The following CDH4 variants were observed in gnomAD, a reference collection of about 807,000 sequenced individuals.
CDH4 encodes cadherin-4.
In CDH4, 33 loss-of-function variants were observed where a neutral mutation model predicts 86.0. The ratio of observed to expected loss-of-function variants is 0.38; its 90% CI spans 0.29 to 0.51. The LOEUF (loss-of-function observed/expected upper bound fraction) is 0.51, where lower values mean the gene tolerates loss of function less well. Among genes scored for constraint, CDH4 ranks in the 20% least tolerant of loss-of-function variants. The pLI is 0.86. For missense variants in CDH4, 1,114 were observed against 1,307.4 expected (o/e 0.85, Z 2.28); for synonymous variants, 555 against 549.4 (o/e 1.01, Z -0.14).
intron 2 of CDH4, among the ~76,000 whole-genome samples, chr20:61,585,988 GTGATGA>G (rs1176342694): frequency 5.0e-5 from 7 of 140,706 alleles, no homozygotes; most frequent in African/African-American, 7.9e-5. Context: ...GATGATGATG[GTGATGA>G]TGATGATGGT....
intron 2 of CDH4, among the ~76,000 whole-genome samples, chr20:61,313,810 C>T (rs1341762817): frequency 6.6e-6 from 1 of 152,206 alleles, no homozygotes; most frequent in African/African-American, 2.4e-5. Flanking sequence ...AATCATAGCC[C>T]ACTACAGCCT....
chr20:61,355,125 C>T (rs766209996), intron 2 of CDH4, among the ~76,000 whole-genome samples: 5 of 152,262 alleles, frequency 3.3e-5, no homozygotes, highest in South Asian at 2.1e-4. Context: ...GGGAGAAAAA[C>T]GCACCGTTAA....
chr20:61,652,796 T>C (rs1404645268), intron 2 of CDH4, among the ~76,000 whole-genome samples: 1 of 96,468 alleles, frequency 1.0e-5, no homozygotes. Flanking sequence ...TTTTTTCAAA[T>C]GAAAAAAAAA....
chr20:61,746,353 G>A (rs973826533), intron 3 of CDH4, among the ~76,000 whole-genome samples: 4 of 152,248 alleles, frequency 2.6e-5, no homozygotes, highest in Admixed American at 1.3e-4. Context: ...GTCCTCCAGC[G>A]CTTTTGTTGC....
rs1296519235 is a variant in CDH4, at chr20:61,811,798, T to C, written c.577-32870T>C. ...GCAATTCTCCTGCCTCAGCCTCCCA[T>C]GTAGCTGGTACTACAGGCACACGTC... On this transcript the variant is annotated intron_variant, in intron 4 of 15. Transcript: ENST00000614565. The surrounding 1 kb of genome is among the most constrained non-coding windows in gnomAD (Gnocchi z 4.4). Among the ~76,000 whole-genome samples, 2 of 151,196 alleles carry C rather than the reference T, an allele frequency of 1.3e-5. No homozygotes were observed. The highest frequency in any genetic ancestry group is 2.9e-5 in the Non-Finnish European group (2 of 67,836).
intron 7 of CDH4, among the ~76,000 whole-genome samples, chr20:61,888,368 C>T (rs970990558): frequency 3.3e-5 from 5 of 152,184 alleles, no homozygotes; most frequent in East Asian, 1.9e-4. Context: ...CTTCAGGCTC[C>T]GTCCAGCCGC....
rs1445129004 is a variant in CDH4, at chr20:61,681,574, A to G, written c.170-61989A>G. On this transcript the variant is annotated intron_variant, in intron 2 of 15. Transcript: ENST00000614565. This position sits in a 1 kb window ranked among gnomAD's most constrained non-coding sequence, Gnocchi z 4.5. ...CCGAACTCTTGTTCCAAGGGGTAGG[A>G]GAAAAAGGGGGCATCATCTAGCAGC... 5.3e-5 allele frequency among the ~76,000 whole-genome samples: 8 copies of G among 152,126 alleles called. No homozygotes were observed. The highest frequency in any genetic ancestry group is 1.0e-4 in the Non-Finnish European group (7 of 68,024).
At chr20:61,717,343 C>T (rs1005178601) in intron 2 of CDH4, among the ~76,000 whole-genome samples, 2 of 152,242 alleles carry the variant, frequency 1.3e-5, no homozygotes, top group African/African-American at 2.4e-5. Context: ...CAGGACCAGC[C>T]ACAGACGCTG....
intron 2 of CDH4, among the ~76,000 whole-genome samples, chr20:61,572,668 G>A (rs906069434): frequency 6.6e-6 from 1 of 152,200 alleles, no homozygotes; most frequent in Non-Finnish European, 1.5e-5. Flanking sequence ...TGTATGAAAG[G>A]CTCCATATTT....
intron 2 of CDH4, among the ~76,000 whole-genome samples, chr20:61,405,686 A>G (rs891398833): frequency 2.7e-5 from 4 of 150,010 alleles, no homozygotes; most frequent in African/African-American, 7.4e-5. Context: ...AGCTATATCT[A>G]TGTATCTATA....
At chr20:61,731,514 C>T (rs6061774) in intron 2 of CDH4, among the ~76,000 whole-genome samples, 45,618 of 152,132 alleles carry the variant, frequency 0.3, 8,882 homozygotes, top group African/African-American at 0.55. Context: ...GGCAGGTCCC[C>T]CCCAGGTGGG....
chr20:61,723,170 G>A (rs2088061901), intron 2 of CDH4, among the ~76,000 whole-genome samples: 1 of 152,182 alleles, frequency 6.6e-6, no homozygotes, highest in Non-Finnish European at 1.5e-5. Flanking sequence ...TTTTCCCGAA[G>A]AAGTCCTCAG....
chr20:61,751,603 C>T (rs1452088209), intron 3 of CDH4, among the ~76,000 whole-genome samples: 2 of 152,192 alleles, frequency 1.3e-5, no homozygotes, highest in Non-Finnish European at 2.9e-5. Context: ...GAGCAGGTGC[C>T]AGCATGCTGT....
At chr20:61,818,229 G>A (rs34427551) in intron 4 of CDH4, among the ~76,000 whole-genome samples, 62,541 of 151,988 alleles carry the variant, frequency 0.41, 15,730 homozygotes, top group Non-Finnish European at 0.57. Flanking sequence ...CTCACATCAC[G>A]CAGACAGTGA....
At chr20:61,271,236 G>A (rs889121137) in intron 2 of CDH4, among the ~76,000 whole-genome samples, 5 of 152,138 alleles carry the variant, frequency 3.3e-5, no homozygotes, top group Non-Finnish European at 7.4e-5. Flanking sequence ...CATCTCATCT[G>A]CTTTACTTGG....
At chr20:61,379,979 T>G (rs8117398) in intron 2 of CDH4, among the ~76,000 whole-genome samples, 37,677 of 152,158 alleles carry the variant, frequency 0.25, 5,030 homozygotes, top group African/African-American at 0.34. Context: ...TAGATAATTT[T>G]GTTGCAGACT....
Position 61,830,374 on chromosome 20 carries a change from C to G in CDH4, c.577-14294C>G, listed in dbSNP as rs1218421990. Among the ~76,000 whole-genome samples the G allele has an allele frequency of 2.6e-5, 4 of 152,168 alleles. No homozygotes were observed. The East Asian group carries it at 7.7e-4, about 29-fold the overall frequency. ...CTAAGCGTGCTTCCCCGGGACCCTC[C>G]CTGGGCTTCTACCGCCTGCCACACT... On this transcript the variant is annotated intron_variant, in intron 4 of 15. Coordinates refer to ENST00000614565, the MANE Select transcript of CDH4 (RefSeq NM_001794.5).
chr20:61,385,581 C>T (rs2084946529), intron 2 of CDH4, among the ~76,000 whole-genome samples: 1 of 152,146 alleles, frequency 6.6e-6, no homozygotes, highest in Non-Finnish European at 1.5e-5. Context: ...TCTGCCCTAC[C>T]ATATTGCCAA....
At chr20:61,523,309 C>A (rs2085886421) in intron 2 of CDH4, among the ~76,000 whole-genome samples, 1 of 152,254 alleles carries the variant, frequency 6.6e-6, no homozygotes, top group Non-Finnish European at 1.5e-5. Flanking sequence ...GCCAGCGGGC[C>A]CACGCTGGTC....
Sources: allele counts gnomAD v4.1 joint callset (sites outside exome capture counted in the v4.1 genomes callset), GRCh38; gene constraint gnomAD v4.1.1; non-coding constraint Gnocchi (gnomAD v3.1); transcripts MANE v1.5; gene names NCBI Gene and HGNC (gene_info 2026-07-23, HGNC 2026-07-21).